The following EYS variants were observed in gnomAD, a reference collection of about 807,000 sequenced individuals.
The protein encoded by EYS is EGF-like photoreceptor maintenance factor, also known as protein eyes shut homolog.
Under a neutral mutation model 282.1 loss-of-function variants are expected in EYS, and 250 were observed. The ratio of observed to expected loss-of-function variants is 0.89; its 90% confidence interval spans 0.80 to 0.98. The LOEUF is 0.98. Among genes scored for constraint, EYS ranks in the 50% least tolerant of loss-of-function variants. The probability of loss-of-function intolerance (pLI) is 0.00; values close to 1 mark genes in which losing one functional copy is unlikely to be tolerated. For synonymous variants in EYS, 1,355 were observed against 1,282.9 expected, an observed-to-expected ratio of 1.06 and a Z score of -1.20; for missense variants, 4,016 against 3,709.0, an observed-to-expected ratio of 1.08 and a Z score of -2.15.
intron 22 of EYS, among the ~76,000 whole-genome samples, chr6:64,653,730 A>ATGTTT (rs768178454): frequency 7.3e-6 from 1 of 136,898 alleles, no homozygotes; most frequent in Admixed American, 7.4e-5. Flanking sequence ...ATGCCCAGCT[A>ATGTTT]TTTTTTTTTT....
Position 65,443,414 on chromosome 6 carries a change from C to CATATATGTACATATATGTACACATATAGA in EYS, c.863-38048_863-38047insTCTATATGTGTACATATATGTACATATAT, listed in dbSNP as rs1562186644. 5.0e-5 allele frequency among the ~76,000 whole-genome samples: 6 copies of CATATATGTACATATATGTACACATATAGA among 120,870 alleles called. 1 individual carries two copies. The highest frequency in any genetic ancestry group is 3.5e-4 in the Admixed American group (4 of 11,380). The allele number at this position is 120,870 out of a possible 152,430, so 79.3% of individuals were successfully genotyped here. A position where few individuals can be genotyped will look rare whatever the true frequency, so the allele number is the denominator to read the frequency against. On this transcript the variant is annotated intron_variant, in intron 5 of 42. Coordinates refer to ENST00000503581, the MANE Select transcript of EYS (RefSeq NM_001142800.2). ...TGCATACATGTATGTACACATATAG[C>CATATATGTACATATATGTACACATATAGA]CATATATGTACATATATGTACACAT... is the stretch of plus-strand genomic sequence containing the variant.
At chr6:64,401,815 A>AT (rs1479807907) in intron 28 of EYS, among the ~76,000 whole-genome samples, 1 of 152,096 alleles carries the variant, frequency 6.6e-6, no homozygotes, top group Non-Finnish European at 1.5e-5. Context: ...AGATTCCACT[A>AT]TATCTTGTCA....
At chr6:64,348,558 T>G in intron 29 of EYS, among the ~76,000 whole-genome samples, 1 of 151,602 alleles carries the variant, frequency 6.6e-6, no homozygotes, top group Non-Finnish European at 1.5e-5. Flanking sequence ...AGCCCACTAG[T>G]TGAAGATCTA....
chr6:64,418,683 A>T (rs1373375708), intron 28 of EYS, among the ~76,000 whole-genome samples: 1 of 152,326 alleles, frequency 6.6e-6, no homozygotes, highest in African/African-American at 2.4e-5. Flanking sequence ...GATGTAGAAA[A>T]TAAAATTATA....
intron 35 of EYS, among the ~76,000 whole-genome samples, chr6:63,881,632 T>C (rs565171108): frequency 6.6e-6 from 1 of 152,322 alleles, no homozygotes; most frequent in South Asian, 2.1e-4. Flanking sequence ...AAATCTTAAG[T>C]TGAATTTATT....
intron 35 of EYS, among the ~76,000 whole-genome samples, chr6:63,869,484 A>G (rs1287323624): frequency 6.6e-6 from 1 of 152,174 alleles, no homozygotes; most frequent in African/African-American, 2.4e-5. Flanking sequence ...CTTTCCAGAA[A>G]GAGATATCTT....
intron 26 of EYS, among the ~76,000 whole-genome samples, chr6:64,572,620 A>C (rs1203758258): frequency 1.3e-5 from 2 of 152,214 alleles, no homozygotes; most frequent in Admixed American, 6.5e-5. Flanking sequence ...AAGCATTCCT[A>C]TACCCCAATA....
intron 12 of EYS, among the ~76,000 whole-genome samples, chr6:65,214,832 C>A (rs552119613): frequency 6.6e-6 from 1 of 152,162 alleles, no homozygotes; most frequent in Non-Finnish European, 1.5e-5. Context: ...GTTCTGAAAA[C>A]CCTGGGGGCC....
At chr6:63,997,731 T>C (rs1412095835) in intron 34 of EYS, among the ~76,000 whole-genome samples, 1 of 152,202 alleles carries the variant, frequency 6.6e-6, no homozygotes, top group African/African-American at 2.4e-5. Context: ...ATATGTCATA[T>C]TTAACATTTT....
chr6:64,116,079 A>G (rs1773373354), intron 31 of EYS, among the ~76,000 whole-genome samples: 1 of 152,108 alleles, frequency 6.6e-6, no homozygotes, highest in Non-Finnish European at 1.5e-5. Flanking sequence ...AAAAGAACCA[A>G]AGAGAAATTC....
intron 14 of EYS, among the ~76,000 whole-genome samples, chr6:64,976,179 C>A (rs1224918305): frequency 2.0e-5 from 3 of 151,634 alleles, no homozygotes; most frequent in South Asian, 2.1e-4. Context: ...TATATTGAAC[C>A]GCCTCTTTTT....
At chr6:64,703,150 C>T (rs1223513667) in intron 22 of EYS, among the ~76,000 whole-genome samples, 2 of 151,780 alleles carry the variant, frequency 1.3e-5, no homozygotes, top group South Asian at 4.2e-4. Flanking sequence ...GAAAAAGGAC[C>T]TGATTAACTC....
At position 65,448,448 on chromosome 6, in the gene EYS, T is replaced by C. The variant is rs529053247; in HGVS notation, c.862+42146A>G. 2.6e-5 allele frequency among the ~76,000 whole-genome samples: 4 copies of C among 152,180 alleles called. No individual in the cohort carries two copies. The South Asian group carries it at 8.3e-4, about 32-fold the overall frequency. On this transcript the variant is annotated intron_variant, in intron 5 of 42. Transcript: ENST00000503581. ...CTGTGAAAAGTTTTATTAAAATTCA[T>C]TGAGATTGCAGTTATGAAATGTGCT...
chr6:64,326,205 T>G (rs1017990115), intron 29 of EYS, among the ~76,000 whole-genome samples: 1 of 151,992 alleles, frequency 6.6e-6, no homozygotes, highest in Admixed American at 6.6e-5. Flanking sequence ...CTTCCCCCAC[T>G]TACACTCAAG....
At chr6:64,464,475 C>A (rs550492206) in intron 26 of EYS, among the ~76,000 whole-genome samples, 3 of 151,988 alleles carry the variant, frequency 2.0e-5, no homozygotes, top group African/African-American at 7.2e-5. Flanking sequence ...TAAAAGGCAG[C>A]CAAATTGAAA....
At chr6:65,077,838 GAAC>G (rs1384118426) in intron 12 of EYS, among the ~76,000 whole-genome samples, 5 of 152,008 alleles carry the variant, frequency 3.3e-5, no homozygotes, top group African/African-American at 7.2e-5. Flanking sequence ...ATTTATAAGT[GAAC>G]AACTTCTAAA....
In EYS at chr6:64,034,523, A is replaced by G. The variant is rs542800955; in HGVS notation, c.6725+31815T>C. On this transcript the variant is annotated intron_variant, in intron 33 of 42. Coordinates refer to ENST00000503581, the MANE Select transcript of EYS (RefSeq NM_001142800.2). ...TTAACTCTTATCCCAGTAGTTCCCA[A>G]CGCCATCTCCACATTGGAATATCCT... is the stretch of plus-strand genomic sequence containing the variant. 1.2e-3 allele frequency among the ~76,000 whole-genome samples: 189 copies of G among 152,176 alleles called. 1 individual carries two copies. Among genetic ancestry groups the G allele is most frequent in the Non-Finnish European group, 2.3e-3 (156 of 68,026 alleles).
At chr6:64,567,934 GA>G (rs1765611194) in intron 26 of EYS, among the ~76,000 whole-genome samples, 1 of 152,130 alleles carries the variant, frequency 6.6e-6, no homozygotes, top group South Asian at 2.1e-4. Context: ...TGAACTCTTT[GA>G]TTACCCCATC....
At chr6:65,680,969 T>G (rs6927185) in intron 1 of EYS, among the ~76,000 whole-genome samples, 20,060 of 151,626 alleles carry the variant, frequency 0.13, 1,440 homozygotes, top group South Asian at 0.29. Context: ...TGGCCACCGG[T>G]GATCATTTTA....
Sources: allele counts gnomAD v4.1 joint callset (sites outside exome capture counted in the v4.1 genomes callset), GRCh38; gene constraint gnomAD v4.1.1; transcripts MANE v1.5; gene names NCBI Gene and HGNC (gene_info 2026-07-23, HGNC 2026-07-21).